Variants in GATAD1 observed in about 807,000 individuals in gnomAD.
GATAD1 encodes the protein GATA zinc finger domain containing 1, also known as GATA zinc finger domain-containing protein 1.
GATAD1 carries 12 observed loss-of-function variants against 26.5 expected under a neutral mutation model. That is an observed-to-expected ratio of 0.45 (90% CI 0.29 to 0.73). GATAD1 has a LOEUF of 0.73. GATAD1 is among the 30% of genes least tolerant of loss of function. The pLI is 0.10. For missense variants in GATAD1, 266 were observed against 342.1 expected, an observed-to-expected ratio of 0.78 and a Z score of 1.75; for synonymous variants, 129 against 133.1, an observed-to-expected ratio of 0.97 and a Z score of 0.21.
At chr7:92,494,394 C>A in the GATAD1 span, 1 of 1,613,800 alleles carries the variant, frequency 6.2e-7, no homozygotes, top group Non-Finnish European at 8.5e-7. Flanking sequence ...AATACATAAA[C>A]ACCTAGAGGA....
intron 3 of GATAD1, among the ~76,000 whole-genome samples, chr7:92,452,252 C>T (rs1275868065): frequency 6.6e-6 from 1 of 152,160 alleles, no homozygotes; most frequent in African/African-American, 2.4e-5. Context: ...ACTGTCTGTA[C>T]TTTCGTATTG....
the GATAD1 span, chr7:92,477,794 G>A: frequency 5.5e-6 from 1 of 181,542 alleles, no homozygotes; most frequent in South Asian, 1.5e-4. Context: ...CAGGTCTGCG[G>A]TGGTGGCAAA....
At chr7:92,479,961 C>T in the GATAD1 span, among the ~76,000 whole-genome samples, 1,014 of 152,108 alleles carry the variant, frequency 6.7e-3, 13 homozygotes, top group African/African-American at 0.022. Context: ...TAGAGAGTGC[C>T]CAAGGGGGTT....
At chr7:92,473,124 A>G in the GATAD1 span, 3 of 150,426 alleles carry the variant, frequency 2.0e-5, no homozygotes, top group Non-Finnish European at 4.4e-5. Context: ...ATGTACAGGG[A>G]TGCAGAAGAA....
At chr7:92,469,225 A>G in the GATAD1 span, 1 of 761,982 alleles carries the variant, frequency 1.3e-6, no homozygotes, top group Non-Finnish European at 2.4e-6. Flanking sequence ...TAGCAAGTCT[A>G]AAGCTCTTCG....
the GATAD1 span, chr7:92,490,271 A>G: frequency 3.9e-6 from 1 of 254,464 alleles, no homozygotes; most frequent in Non-Finnish European, 7.6e-6. Flanking sequence ...TAAAAACAGA[A>G]TTAAAGACTA....
chr7:92,449,653 T>C (rs190954567), intron 2 of GATAD1: 54 of 959,872 alleles, frequency 5.6e-5, no homozygotes, highest in Non-Finnish European at 6.4e-5. Context: ...AGTAGACTTA[T>C]GCAGATGGCA....
At chr7:92,483,770 A>T in the GATAD1 span, among the ~76,000 whole-genome samples, 3 of 152,144 alleles carry the variant, frequency 2.0e-5, no homozygotes, top group African/African-American at 7.2e-5. Context: ...ACAGAACGAA[A>T]CTGTAAGCCG....
chr7:92,469,703 G>A, the GATAD1 span: 1 of 764,252 alleles, frequency 1.3e-6, no homozygotes, highest in Non-Finnish European at 2.4e-6. Flanking sequence ...GTTATTTCCA[G>A]ATTGGAAACA....
the GATAD1 span, among the ~76,000 whole-genome samples, chr7:92,476,624 C>T: frequency 6.6e-6 from 1 of 152,052 alleles, no homozygotes; most frequent in Non-Finnish European, 1.5e-5. Flanking sequence ...TTGTCTCTCT[C>T]TCTCTTCTGT....
the GATAD1 span, among the ~76,000 whole-genome samples, chr7:92,479,022 C>T: frequency 6.6e-6 from 1 of 152,218 alleles, no homozygotes; most frequent in Non-Finnish European, 1.5e-5. Context: ...AAATCAGACA[C>T]CGCCTCCTCC....
At chr7:92,484,083 C>A in the GATAD1 span, among the ~76,000 whole-genome samples, 1 of 151,996 alleles carries the variant, frequency 6.6e-6, no homozygotes, top group Non-Finnish European at 1.5e-5. Context: ...TCCATTTTTC[C>A]ACAAAAATTA....
the GATAD1 span, among the ~76,000 whole-genome samples, chr7:92,481,036 G>A: frequency 2.6e-5 from 4 of 152,116 alleles, no homozygotes; most frequent in Non-Finnish European, 5.9e-5. Flanking sequence ...CAATCAGTTC[G>A]GCTTGCTGAG....
the GATAD1 span, chr7:92,489,327 T>C: frequency 6.2e-7 from 1 of 1,613,528 alleles, no homozygotes; most frequent in Non-Finnish European, 8.5e-7. Context: ...TCTTCACTAA[T>C]GGATGGTCTT....
the GATAD1 span, chr7:92,470,940 T>C: frequency 6.0e-6 from 1 of 167,354 alleles, no homozygotes; most frequent in Non-Finnish European, 1.5e-5. Flanking sequence ...TTTGAGTGTT[T>C]CATTCATTTT....
downstream of GATAD1, among the ~76,000 whole-genome samples, chr7:92,463,360 G>C (rs1276558368): frequency 6.6e-6 from 1 of 152,092 alleles, no homozygotes; most frequent in Non-Finnish European, 1.5e-5. Flanking sequence ...CTTAAAAATG[G>C]TTAATACTGG....
chr7:92,479,377 G>A, the GATAD1 span, among the ~76,000 whole-genome samples: 2 of 152,172 alleles, frequency 1.3e-5, no homozygotes, highest in Admixed American at 6.5e-5. Flanking sequence ...GGTGCTCAGT[G>A]GGGGAGGTTT....
chr7:92,462,376 A>C (rs1358445293), downstream of GATAD1, among the ~76,000 whole-genome samples: 1 of 151,916 alleles, frequency 6.6e-6, no homozygotes, highest in East Asian at 1.9e-4. Context: ...TGTAAAAAAA[A>C]AAAACAAAAA....
the GATAD1 span, chr7:92,471,177 G>A: frequency 6.0e-6 from 1 of 166,964 alleles, no homozygotes; most frequent in African/African-American, 2.4e-5. Flanking sequence ...ACCCGTGAAA[G>A]TATCTACCCA....
Sources: allele counts gnomAD v4.1 joint callset (sites outside exome capture counted in the v4.1 genomes callset), GRCh38; gene constraint gnomAD v4.1.1; transcripts MANE v1.5; gene names NCBI Gene and HGNC (gene_info 2026-07-23, HGNC 2026-07-21).